The following ACSM3 variants were observed in gnomAD, a reference collection of about 807,000 sequenced individuals.
ACSM3 encodes acyl-coenzyme A synthetase ACSM3, mitochondrial.
In ACSM3, 61 loss-of-function variants were observed where a neutral mutation model predicts 74.1. The ratio of observed to expected loss-of-function variants is 0.82; its 90% CI spans 0.67 to 1.02. ACSM3 has a LOEUF of 1.02. Among genes scored for constraint, ACSM3 ranks in the 50% least tolerant of loss-of-function variants. The pLI is 0.00. For synonymous variants in ACSM3, 213 were observed against 241.5 expected, an observed-to-expected ratio of 0.88 and a Z score of 1.09; for missense variants, 660 against 697.0, an observed-to-expected ratio of 0.95 and a Z score of 0.60.
chr16:20,692,923 C>T (rs188063884), intron 1 of ACSM3, among the ~76,000 whole-genome samples: 1 of 152,060 alleles, frequency 6.6e-6, no homozygotes, highest in Non-Finnish European at 1.5e-5. Context: ...ATAATCCCAG[C>T]CCTTTGGGAG....
At chr16:20,783,882 A>G (rs2080409786) in intron 7 of ACSM3, among the ~76,000 whole-genome samples, 1 of 151,076 alleles carries the variant, frequency 6.6e-6, no homozygotes, top group Non-Finnish European at 1.5e-5. Flanking sequence ...ATCTCGGCTC[A>G]CTGCAACCTC....
intron 1 of ACSM3, chr16:20,729,581 C>T (rs927724167): frequency 2.2e-5 from 8 of 370,160 alleles, no homozygotes; most frequent in African/African-American, 4.1e-5. Context: ...ATTAAAGTAG[C>T]AACTTTATAT....
chr16:20,788,092 T>TTTTA (rs536487835), intron 9 of ACSM3, among the ~76,000 whole-genome samples: 2 of 152,172 alleles, frequency 1.3e-5, no homozygotes, highest in Admixed American at 6.6e-5. Context: ...ACATTCCTCT[T>TTTTA]TTTATTTATT....
chr16:20,688,995 A>G (rs11643819), intron 1 of ACSM3, among the ~76,000 whole-genome samples: 17,886 of 148,214 alleles, frequency 0.12, 1,220 homozygotes, highest in East Asian at 0.21. Context: ...TTAATATATT[A>G]TATTATATAT....
At chr16:20,750,978 G>A (rs2079985351) in intron 2 of ACSM3, among the ~76,000 whole-genome samples, 1 of 150,514 alleles carries the variant, frequency 6.6e-6, no homozygotes, top group African/African-American at 2.4e-5. Context: ...CCAAGTAGCT[G>A]GGATTACAGG....
At chr16:20,682,535 G>GC in intron 1 of ACSM3, 1 of 1,207,452 alleles carries the variant, frequency 8.3e-7, no homozygotes, top group Non-Finnish European at 1.2e-6. Flanking sequence ...TGGCTTGTCT[G>GC]CATCGAAATA....
intron 1 of ACSM3, chr16:20,735,666 C>G (rs1463415624): frequency 6.6e-6 from 1 of 151,962 alleles, no homozygotes; most frequent in African/African-American, 2.4e-5. Flanking sequence ...TGGCAGGCTC[C>G]TAGCAATAGA....
At chr16:20,751,330 C>G (rs1000389217) in intron 2 of ACSM3, among the ~76,000 whole-genome samples, 1 of 152,170 alleles carries the variant, frequency 6.6e-6, no homozygotes, top group African/African-American at 2.4e-5. Context: ...TTCTATAAAG[C>G]TTTGTCCTTT....
rs889976598 is a variant in ACSM3 at position 20,796,480 on chromosome 16, T to A, written c.1665T>A (p.Tyr555Ter). Residue 555 changes from tyrosine (Y) to a stop codon, truncating the protein, a stop_gained, in exon 13 of 14, where the codon TAT (tyrosine) becomes TAA (stop). Coordinates refer to ENST00000289416, the MANE Select transcript of ACSM3 (RefSeq NM_005622.4). LOFTEE classifies it high-confidence loss of function. ...AAAAAACTACAGCACCTTACAAATA[T>A]CCCAGAAAGGTAGGCATCCTAATTA... ...HVKKTTAPYKYPRKVEFIQEL... is the reference protein window; with the variant it reads ...HVKKTTAPYK 2 of 1,612,444 alleles carry A rather than the reference T, an allele frequency of 1.2e-6. No homozygotes were observed. Among genetic ancestry groups the A allele is most frequent in the African/African-American group, 2.7e-5 (2 of 74,772 alleles).
chr16:20,791,954 C>T (rs1043080032), intron 10 of ACSM3, 48 bp from the exon 11 acceptor site: 3 of 1,589,890 alleles, frequency 1.9e-6, no homozygotes, highest in Non-Finnish European at 2.6e-6. Flanking sequence ...TCCAATTGAC[C>T]AGAAGAGTTG....
At chr16:20,718,773 C>G (rs1036398930) in intron 1 of ACSM3, among the ~76,000 whole-genome samples, 1 of 152,236 alleles carries the variant, frequency 6.6e-6, no homozygotes, top group Middle Eastern at 3.4e-3. Flanking sequence ...CCAGAAAGGC[C>G]TTCCTAAAAG....
At chr16:20,686,243 G>A (rs2079551863) in intron 1 of ACSM3, among the ~76,000 whole-genome samples, 1 of 152,114 alleles carries the variant, frequency 6.6e-6, no homozygotes. Flanking sequence ...TCTTAGAGGT[G>A]AGGGCAGTAA....
chr16:20,791,936 A>C lies in ACSM3; in HGVS notation c.1327-66A>C. On this transcript the variant is annotated intron_variant, in intron 10 of 13. Transcript: ENST00000289416. The stretch of plus-strand genomic sequence containing the variant: ...GAGTGAGACTGTCTCGGAAAAAAAA[A>C]AAAAAATTCCAATTGACCAGAAGAG... The C allele has an allele frequency of 2.5e-6, 4 of 1,583,772 alleles. No individual in the cohort carries two copies. The Admixed American group carries it at 5.5e-5, about 22-fold the overall frequency.
At chr16:20,709,064 G>A (rs1047717749) in intron 1 of ACSM3, among the ~76,000 whole-genome samples, 2 of 152,196 alleles carry the variant, frequency 1.3e-5, no homozygotes, top group Non-Finnish European at 2.9e-5. Context: ...GCACCAACAT[G>A]GCACATGTAT....
At chr16:20,768,305 C>A (rs2080149508) in intron 1 of ACSM3, among the ~76,000 whole-genome samples, 1 of 152,178 alleles carries the variant, frequency 6.6e-6, no homozygotes, top group South Asian at 2.1e-4. Flanking sequence ...TATCACATGA[C>A]CATATGACTC....
chr16:20,715,417 G>A (rs1043550442), intron 1 of ACSM3, among the ~76,000 whole-genome samples: 1 of 151,970 alleles, frequency 6.6e-6, no homozygotes, highest in African/African-American at 2.4e-5. Context: ...CAGCCTGGCC[G>A]ACATGGTGAA....
Position 20,786,171 on chromosome 16 carries a change from C to T in ACSM3, c.1224+13C>T, listed in dbSNP as rs1261231413. On this transcript the variant is annotated intron_variant, in intron 9 of 13. Coordinates refer to ENST00000289416, the MANE Select transcript of ACSM3 (RefSeq NM_005622.4). ...TTTCGATGTTAAGGTTTGCACATCC[C>T]CTTCCAGGAGAATGTTTAACAACCC... is the stretch of plus-strand genomic sequence containing the variant. 13 of 1,607,992 alleles carry T rather than the reference C, an allele frequency of 8.1e-6. No homozygotes were observed. The Admixed American group carries it at 2.2e-4, about 27-fold the overall frequency.
chr16:20,696,280 T>C (rs1011560206), intron 1 of ACSM3, among the ~76,000 whole-genome samples: 1 of 152,376 alleles, frequency 6.6e-6, no homozygotes, highest in East Asian at 1.9e-4. Flanking sequence ...TCTCTGTCTC[T>C]ATCTCTATCT....
At chr16:20,754,614 A>G (rs2080014465) in intron 2 of ACSM3, among the ~76,000 whole-genome samples, 1 of 152,150 alleles carries the variant, frequency 6.6e-6, no homozygotes, top group East Asian at 1.9e-4. Flanking sequence ...GCCCTGAATT[A>G]CTTCCCATTT....
Sources: allele counts gnomAD v4.1 joint callset (sites outside exome capture counted in the v4.1 genomes callset), GRCh38; gene constraint gnomAD v4.1.1; transcripts MANE v1.5; gene names NCBI Gene and HGNC (gene_info 2026-07-23, HGNC 2026-07-21).